The following RPS6KC1 variants were observed in gnomAD, a reference collection of about 807,000 sequenced individuals.
The protein encoded by RPS6KC1 is ribosomal protein S6 kinase C1, also known as inactive ribosomal protein S6 kinase delta-1.
RPS6KC1 carries 54 observed loss-of-function variants against 103.8 expected under a neutral mutation model. The observed-to-expected ratio is 0.52, with a 90% CI of 0.42 to 0.65. RPS6KC1 has a LOEUF of 0.65. RPS6KC1 is among the 30% of genes least tolerant of loss of function. The probability of loss-of-function intolerance (pLI) is 0.00; values close to 1 mark genes in which losing one functional copy is unlikely to be tolerated. For synonymous variants in RPS6KC1, 439 were observed against 438.7 expected, an observed-to-expected ratio of 1.00 and a Z score of -0.01; for missense variants, 1,151 against 1,253.8, an observed-to-expected ratio of 0.92 and a Z score of 1.24.
the RPS6KC1 span, among the ~76,000 whole-genome samples, chr1:213,476,875 G>A: frequency 2.0e-5 from 3 of 152,176 alleles, no homozygotes; most frequent in East Asian, 5.8e-4. Context: ...TAAGAGACAG[G>A]GCTTAGACTT....
rs540912091 is a variant in RPS6KC1, at chr1:213,100,940, G to A, written c.263-3514G>A. Among the ~76,000 whole-genome samples, 299 of 152,052 alleles carry A rather than the reference G, an allele frequency of 2.0e-3. 1 individual carries two copies. The highest frequency in any genetic ancestry group is 6.9e-3 in the African/African-American group (288 of 41,466). The stretch of plus-strand genomic sequence containing the variant: ...TGGTAGAATGATTCGTTTTCCTTTG[G>A]GTATATACCCAGTAATAGGATGGCT... On this transcript the variant is annotated intron_variant, in intron 3 of 14. Transcript: ENST00000366960.
At chr1:213,812,384 T>C in the RPS6KC1 span, among the ~76,000 whole-genome samples, 2 of 152,190 alleles carry the variant, frequency 1.3e-5, no homozygotes, top group Non-Finnish European at 2.9e-5. Context: ...AACTTCAGGG[T>C]TGTATAACAA....
chr1:213,676,912 A>G, the RPS6KC1 span, among the ~76,000 whole-genome samples: 1 of 152,210 alleles, frequency 6.6e-6, no homozygotes, highest in Non-Finnish European at 1.5e-5. Context: ...GTCACTTTCA[A>G]TCATAGGCTC....
chr1:213,055,954 G>A (rs912249579), intron 1 of RPS6KC1, among the ~76,000 whole-genome samples: 2 of 152,046 alleles, frequency 1.3e-5, no homozygotes, highest in African/African-American at 2.4e-5. Context: ...ACCCAGGCTC[G>A]AGTGCAGTGA....
the RPS6KC1 span, among the ~76,000 whole-genome samples, chr1:213,662,073 C>T: frequency 6.6e-6 from 1 of 151,974 alleles, no homozygotes; most frequent in South Asian, 2.1e-4. Flanking sequence ...GAGGGAGAAC[C>T]CAATGTTTCT....
the RPS6KC1 span, among the ~76,000 whole-genome samples, chr1:213,389,786 C>T: frequency 3.3e-5 from 5 of 152,144 alleles, no homozygotes; most frequent in Non-Finnish European, 5.9e-5. Flanking sequence ...CAGAGGCACC[C>T]GAGCAAAGGG....
At chr1:213,136,980 A>G (rs897488763) in intron 6 of RPS6KC1, among the ~76,000 whole-genome samples, 13 of 152,254 alleles carry the variant, frequency 8.5e-5, no homozygotes, top group African/African-American at 3.1e-4. Flanking sequence ...AGTGTGAGCC[A>G]TGGCACCTGG....
chr1:213,307,581 C>T, the RPS6KC1 span, among the ~76,000 whole-genome samples: 1 of 152,148 alleles, frequency 6.6e-6, no homozygotes, highest in Non-Finnish European at 1.5e-5. Flanking sequence ...TTCTTGAAAA[C>T]TTAAGCTAGC....
chr1:213,492,976 T>C, the RPS6KC1 span, among the ~76,000 whole-genome samples: 4 of 152,188 alleles, frequency 2.6e-5, no homozygotes, highest in Non-Finnish European at 5.9e-5. Flanking sequence ...CTACTGTGAA[T>C]AAAAGAAGAC....
At chr1:213,219,744 C>A (rs1042543691) in intron 8 of RPS6KC1, among the ~76,000 whole-genome samples, 1 of 150,494 alleles carries the variant, frequency 6.6e-6, no homozygotes, top group African/African-American at 2.4e-5. Flanking sequence ...TCATTCTCAG[C>A]AAACTATTGC....
At chr1:213,615,956 G>C in the RPS6KC1 span, among the ~76,000 whole-genome samples, 3 of 152,192 alleles carry the variant, frequency 2.0e-5, no homozygotes, top group Non-Finnish European at 4.4e-5. Context: ...TAAAAGGAAG[G>C]CCAGCCAGTT....
chr1:213,782,786 C>T, the RPS6KC1 span, among the ~76,000 whole-genome samples: 1 of 152,056 alleles, frequency 6.6e-6, no homozygotes, highest in African/African-American at 2.4e-5. Flanking sequence ...TAAATTTGGC[C>T]AAAGAAGTGG....
chr1:213,610,895 C>T, the RPS6KC1 span, among the ~76,000 whole-genome samples: 1 of 152,210 alleles, frequency 6.6e-6, no homozygotes, highest in East Asian at 1.9e-4. Flanking sequence ...AGACCCTTTC[C>T]TGTTCTTGAG....
At chr1:213,805,263 G>T in the RPS6KC1 span, among the ~76,000 whole-genome samples, 1 of 152,118 alleles carries the variant, frequency 6.6e-6, no homozygotes, top group African/African-American at 2.4e-5. Context: ...CACATCAATT[G>T]ACTCAATCAC....
At chr1:213,444,659 A>G in the RPS6KC1 span, among the ~76,000 whole-genome samples, 1 of 147,170 alleles carries the variant, frequency 6.8e-6, no homozygotes, top group Non-Finnish European at 1.5e-5. Flanking sequence ...TGGGAGGCTG[A>G]GGCAGGAGAA....
chr1:213,499,518 C>T, the RPS6KC1 span, among the ~76,000 whole-genome samples: 6 of 152,188 alleles, frequency 3.9e-5, no homozygotes, highest in African/African-American at 1.4e-4. Context: ...CTAGATCCCT[C>T]ACATGCACAA....
intron 12 of RPS6KC1, among the ~76,000 whole-genome samples, chr1:213,254,569 C>G (rs1242257697): frequency 1.3e-5 from 2 of 152,158 alleles, no homozygotes; most frequent in African/African-American, 4.8e-5. Context: ...CTTTCAGGAT[C>G]ATAAAATTAC....
the RPS6KC1 span, among the ~76,000 whole-genome samples, chr1:213,680,365 C>T: frequency 6.6e-6 from 1 of 152,186 alleles, no homozygotes; most frequent in Non-Finnish European, 1.5e-5. Flanking sequence ...TGAGTCCCAG[C>T]CCGGCTCTCC....
At chr1:213,760,005 G>A in the RPS6KC1 span, among the ~76,000 whole-genome samples, 9 of 152,180 alleles carry the variant, frequency 5.9e-5, no homozygotes, top group South Asian at 6.2e-4. Flanking sequence ...TTTCCCCCTC[G>A]TTCCCTGCAA....
Sources: allele counts gnomAD v4.1 joint callset (sites outside exome capture counted in the v4.1 genomes callset), GRCh38; gene constraint gnomAD v4.1.1; transcripts MANE v1.5; gene names NCBI Gene and HGNC (gene_info 2026-07-23, HGNC 2026-07-21).